CELF3: variants seen among roughly 807,000 people sequenced by gnomAD.
CELF3 encodes the protein CAG repeat domain.
In CELF3, 26 loss-of-function variants were observed where a neutral mutation model predicts 59.6. The observed-to-expected ratio is 0.44, with a 90% CI of 0.32 to 0.61. The LOEUF (loss-of-function observed/expected upper bound fraction) is 0.61. Ranked by LOEUF, CELF3 falls within the 20% of genes least tolerant of loss-of-function variation. CELF3 has a pLI of 0.06. For synonymous variants in CELF3, 245 were observed against 250.7 expected, an observed-to-expected ratio of 0.98 and a Z score of 0.22; for missense variants, 387 against 627.2, an observed-to-expected ratio of 0.62 and a Z score of 4.09.
chr1:151,714,596 CT>C lies in CELF3; in HGVS notation c.225del (p.Met77Ter). 1 of 1,554,450 alleles carries C rather than the reference CT, an allele frequency of 6.4e-7. No individual in the cohort carries two copies. Among genetic ancestry groups the C allele is most frequent in the Admixed American group, 1.9e-5 (1 of 51,326 alleles). On this transcript the variant is annotated frameshift_variant, in exon 2 of 13. Coordinates refer to ENST00000290583, the MANE Select transcript of CELF3 (RefSeq NM_007185.7). LOFTEE classifies it high-confidence loss of function. ...GCCCTGCAAAGGGCAGGACTCACCC[CT>C]GGAAGCGTCTTCTGTTCGTGCAGGG... ...QSALHEQKTL[P>X]GMNRPIQVKP...
In CELF3 at chr1:151,700,650, T is replaced by C. The variant is rs921649763; in HGVS notation, c.*2809A>G. Among the ~76,000 whole-genome samples, 1 of 152,208 alleles carries C rather than the reference T, an allele frequency of 6.6e-6. No homozygotes were observed. The highest frequency in any genetic ancestry group is 1.5e-5 in the Non-Finnish European group (1 of 68,036). ...ACAGAAGGACCAATTAGGAAATTGCTATGATTACTCAGTTAATAAGTGTAG... is the reference window on the plus strand; with the variant it reads ...ACAGAAGGACCAATTAGGAAATTGCCATGATTACTCAGTTAATAAGTGTAG... On this transcript the variant is annotated 3_prime_UTR_variant, in exon 13 of 13. Coordinates refer to ENST00000290583, the MANE Select transcript of CELF3 (RefSeq NM_007185.7).
rs183394919 is a variant in CELF3, at chr1:151,704,415, C to T, written c.*10+616G>A. 2.9e-3 allele frequency among the ~76,000 whole-genome samples: 440 copies of T among 152,208 alleles called. 1 individual carries two copies. Among genetic ancestry groups the T allele is most frequent in the African/African-American group, 9.7e-3 (403 of 41,508 alleles). On this transcript the variant is annotated intron_variant, in intron 12 of 12. Coordinates refer to ENST00000290583, the MANE Select transcript of CELF3 (RefSeq NM_007185.7). ...AGACCTAAGTAAACTTCACAGGCGG[C>T]GCGACATTTCAACCTCTTCCACCTA...
chr1:151,707,772 G>A lies in CELF3; in HGVS notation c.630+20C>T. Reference sequence around the variant, plus strand: ...ACAGGGGGTCAGGAGGGCTGGCCCGGCATCAGGGGCAGTGCTCACGGCCTG... The same window carrying A: ...ACAGGGGGTCAGGAGGGCTGGCCCGACATCAGGGGCAGTGCTCACGGCCTG... On this transcript the variant is annotated intron_variant, in intron 6 of 12. Coordinates refer to ENST00000290583, the MANE Select transcript of CELF3 (RefSeq NM_007185.7). The A allele has an allele frequency of 1.2e-6, 2 of 1,608,188 alleles. No homozygotes were observed. Among genetic ancestry groups the A allele is most frequent in the Non-Finnish European group, 1.7e-6 (2 of 1,175,554 alleles).
chr1:151,705,213 C>A lies in CELF3; in HGVS notation c.1271-45G>T. 6.3e-7 allele frequency: 1 copy of A among 1,581,688 alleles called. No homozygotes were observed. Among genetic ancestry groups the A allele is most frequent in the South Asian group, 1.2e-5 (1 of 86,624 alleles). ...AGGCCCGGCCCAGCCCCACCTCGCT[C>A]TTCCGTGCTTAGGAGACCTCTGGCA... On this transcript the variant is annotated intron_variant, in intron 11 of 12. Transcript: ENST00000290583. The surrounding 1 kb of genome is among the most constrained non-coding windows in gnomAD (Gnocchi z 5.1).
chr1:151,704,986 AGT>A lies in CELF3; in HGVS notation c.*10+43_*10+44del, dbSNP rs1208876586. ...TAGTCCAATCGAGGGCCCTGGCTGC[AGT>A]GTGTGAAGCTGGGGAGGGAGGCCAC... On this transcript the variant is annotated intron_variant, in intron 12 of 12. Coordinates refer to ENST00000290583, the MANE Select transcript of CELF3 (RefSeq NM_007185.7). 3 of 1,564,836 alleles carry A rather than the reference AGT, an allele frequency of 1.9e-6. No homozygotes were observed. In the East Asian group the frequency reaches 6.8e-5, roughly 36 times the overall value.
At chr1:151,713,677 T>A (rs1180775362) in intron 2 of CELF3, 1 of 152,446 alleles carries the variant, frequency 6.6e-6, no homozygotes, top group African/African-American at 2.4e-5. Flanking sequence ...ACGCTCGCCT[T>A]GGGTCCTGCA....
intron 12 of CELF3, among the ~76,000 whole-genome samples, chr1:151,704,630 C>T (rs1041307572): frequency 2.0e-5 from 3 of 152,162 alleles, no homozygotes; most frequent in Non-Finnish European, 4.4e-5. Flanking sequence ...CTGGCACCCT[C>T]AGCCAACCCC....
chr1:151,709,449 T>G lies in CELF3; in HGVS notation c.278-101A>C. The G allele has an allele frequency of 6.6e-7, 1 of 1,515,232 alleles. No individual in the cohort carries two copies. Among genetic ancestry groups the G allele is most frequent in the Non-Finnish European group, 9.1e-7 (1 of 1,103,036 alleles). 93.9% of individuals were successfully genotyped at this position (1,515,232 alleles called of 1,614,324 possible). ...CTGGAGCTCCTAACACTACTTCTGC[T>G]ACCCTTAGGGTCCAATGGCTGTAGG... is the stretch of plus-strand genomic sequence containing the variant. On this transcript the variant is annotated intron_variant, in intron 3 of 12. Coordinates refer to ENST00000290583, the MANE Select transcript of CELF3 (RefSeq NM_007185.7). This position sits in a 1 kb window ranked among gnomAD's most constrained non-coding sequence, Gnocchi z 4.9.
Position 151,716,350 on chromosome 1 carries a change from G to A in CELF3, c.-330C>T. On this transcript the variant is annotated 5_prime_UTR_variant, in exon 1 of 13. Coordinates refer to ENST00000290583, the MANE Select transcript of CELF3 (RefSeq NM_007185.7). ...GACCTGGAGGGTTAGGTGGTAGCCG[G>A]GGGTGCTAGGGCTTAGAGGGCTGGG... The A allele has an allele frequency of 6.4e-6, 2 of 314,892 alleles. No homozygotes were observed. The highest frequency in any genetic ancestry group is 1.2e-5 in the Non-Finnish European group (2 of 166,472). The allele number at this position is 314,892 out of a possible 1,614,324, so 19.5% of individuals were successfully genotyped here. A position where few individuals can be genotyped will look rare whatever the true frequency, so the allele number is the denominator to read the frequency against.
Position 151,716,683 on chromosome 1 carries a change from C to T in CELF3, c.-663G>A. 1 of 380,190 alleles carries T rather than the reference C, an allele frequency of 2.6e-6. No homozygotes were observed. The highest frequency in any genetic ancestry group is 5.6e-6 in the Non-Finnish European group (1 of 180,162). 23.6% of individuals were successfully genotyped at this position (380,190 alleles called of 1,614,324 possible). A position where few individuals can be genotyped will look rare whatever the true frequency, so the allele number is the denominator to read the frequency against. On this transcript the variant is annotated 5_prime_UTR_variant, in exon 1 of 13. Coordinates refer to ENST00000290583, the MANE Select transcript of CELF3 (RefSeq NM_007185.7). ...TCCTCCCCTCAGCCCCCCTCCCACC[C>T]CCACCCCAGTCCCCGGGCCTGGGCT...
chr1:151,706,033 C>A, intron 10 of CELF3, 68 bp from the exon 11 acceptor site: 1 of 1,600,484 alleles, frequency 6.2e-7, no homozygotes, highest in South Asian at 1.1e-5. Context: ...AAGCAAATGT[C>A]CCAGGGAAAG....
At position 151,709,438 on chromosome 1, in the gene CELF3, A is replaced by G. The variant is rs765612470; in HGVS notation, c.278-90T>C. 9.1e-5 allele frequency: 141 copies of G among 1,555,480 alleles called. No individual in the cohort carries two copies. The highest frequency in any genetic ancestry group is 1.7e-4 in the Admixed American group (10 of 58,988). On this transcript the variant is annotated intron_variant, in intron 3 of 12. Transcript: ENST00000290583. The surrounding 1 kb of genome is among the most constrained non-coding windows in gnomAD (Gnocchi z 4.9). ...TCCGCCCTTCCCTGGAGCTCCTAAC[A>G]CTACTTCTGCTACCCTTAGGGTCCA...
In CELF3 at chr1:151,702,067, G is replaced by T. The variant is rs1672112480; in HGVS notation, c.*1392C>A. Among the ~76,000 whole-genome samples, 4 of 152,258 alleles carry T rather than the reference G, an allele frequency of 2.6e-5. No individual in the cohort carries two copies. Among genetic ancestry groups the T allele is most frequent in the African/African-American group, 9.6e-5 (4 of 41,468 alleles). ...ATGGTGGTGTCACAACTGGCTCCCA[G>T]TATCCACACTGGCCTCTGTGCAGAA... is the stretch of plus-strand genomic sequence containing the variant. On this transcript the variant is annotated 3_prime_UTR_variant, in exon 13 of 13. Coordinates refer to ENST00000290583, the MANE Select transcript of CELF3 (RefSeq NM_007185.7).
chr1:151,710,349 G>A, intron 2 of CELF3: 1 of 281,900 alleles, frequency 3.5e-6, no homozygotes. Context: ...CAGTCTCCGT[G>A]GCAACGGGAG....
At chr1:151,704,999 G>A in intron 12 of CELF3, 32 bp downstream of exon 12, 2 of 1,586,228 alleles carry the variant, frequency 1.3e-6, no homozygotes, top group East Asian at 2.3e-5. Flanking sequence ...GTGTGAAGCT[G>A]GGGAGGGAGG....
intron 2 of CELF3, chr1:151,710,898 A>G: frequency 2.2e-6 from 1 of 453,486 alleles, no homozygotes; most frequent in South Asian, 1.6e-5. Context: ...AAAGAGGAGA[A>G]GGACTTAGTA....
At chr1:151,710,909 T>C (rs565227990) in intron 2 of CELF3, 2 of 444,724 alleles carry the variant, frequency 4.5e-6, no homozygotes, top group Admixed American at 4.8e-5. Flanking sequence ...GGACTTAGTA[T>C]TTAGTGTCTG....
chr1:151,710,085 T>G (rs557334044), intron 2 of CELF3: 366 of 436,896 alleles, frequency 8.4e-4, no homozygotes, highest in Non-Finnish European at 1.3e-3. Context: ...GAAGGGGGCC[T>G]GCACATAGGA....
chr1:151,707,604 G>A lies in CELF3; in HGVS notation c.675C>T (p.Tyr225=). 1 of 1,608,468 alleles carries A rather than the reference G, an allele frequency of 6.2e-7. No homozygotes were observed. The highest frequency in any genetic ancestry group is 8.5e-7 in the Non-Finnish European group (1 of 1,178,432). Residue 225 remains tyrosine (Y), a synonymous_variant, in exon 7 of 13, where the codon TAC becomes TAT. Coordinates refer to ENST00000290583, the MANE Select transcript of CELF3 (RefSeq NM_007185.7). ...CAGCCATGGTGGCCATGGGGCTGAG[G>A]TAGGCACTGTGAGCCGCTACCAGGG... ...QAALVAAHSA[Y]LSPMATMAAV... is the part of the protein sequence containing the mutation.
Sources: allele counts gnomAD v4.1 joint callset (sites outside exome capture counted in the v4.1 genomes callset), GRCh38; gene constraint gnomAD v4.1.1; non-coding constraint Gnocchi (gnomAD v3.1); transcripts MANE v1.5; gene names NCBI Gene and HGNC (gene_info 2026-07-23, HGNC 2026-07-21).